SLC38A2: variants seen among roughly 807,000 people sequenced by gnomAD.
SLC38A2 encodes solute carrier family 38 member 2.
A neutral mutation model predicts 61.5 loss-of-function variants in SLC38A2; 11 were observed. The observed-to-expected ratio is 0.18, with a 90% CI of 0.11 to 0.30. SLC38A2 has a LOEUF of 0.30. Ranked by LOEUF, SLC38A2 falls within the 10% of genes least tolerant of loss-of-function variation. SLC38A2 has a pLI of 1.00. For missense variants in SLC38A2, 522 were observed against 600.4 expected, an observed-to-expected ratio of 0.87 and a Z score of 1.36; for synonymous variants, 217 against 212.5, an observed-to-expected ratio of 1.02 and a Z score of -0.18.
In SLC38A2 at chr12:46,370,544, A is replaced by G. The variant is rs759483020; in HGVS notation, c.282T>C (p.Tyr94=). Residue 94 remains tyrosine, a synonymous_variant, in exon 4 of 16, where the codon TAT becomes TAC. Coordinates refer to ENST00000256689, the MANE Select transcript of SLC38A2 (RefSeq NM_018976.5). Reference sequence around the variant, plus strand: ...GAGCAATTCCAGTATTAGCCATGGCATAAGAAAGCCCAAGGATTCCACTGC... The same window carrying G: ...GAGCAATTCCAGTATTAGCCATGGCGTAAGAAAGCCCAAGGATTCCACTGC... ...IVGSGILGLS[Y]AMANTGIALF... The G allele has an allele frequency of 2.5e-6, 4 of 1,614,052 alleles. No individual in the cohort carries two copies. The African/African-American group carries it at 5.3e-5, about 22-fold the overall frequency.
intron 4 of SLC38A2, among the ~76,000 whole-genome samples, chr12:46,369,228 G>T (rs1276611419): frequency 6.6e-6 from 1 of 152,072 alleles, no homozygotes; most frequent in African/African-American, 2.4e-5. Context: ...TCAAATATTC[G>T]ACAGTGATGC....
chr12:46,372,108 T>C (rs1422355894), intron 1 of SLC38A2, among the ~76,000 whole-genome samples: 1 of 152,234 alleles, frequency 6.6e-6, no homozygotes, highest in Non-Finnish European at 1.5e-5. Flanking sequence ...TCCCCAATCT[T>C]GGCCTCTCCT....
In SLC38A2 at chr12:46,367,298, A is replaced by G. The variant is rs1943149237; in HGVS notation, c.357T>C (p.Val119=). The G allele has an allele frequency of 1.2e-6, 2 of 1,602,978 alleles. No individual in the cohort carries two copies. Among genetic ancestry groups the G allele is most frequent in the East Asian group, 4.5e-5 (2 of 44,798 alleles). The part of the protein sequence containing the change: ...TFVSIFSLYS[V]HLLLKTANEG... ...CATTGGCAGTCTTCAAAAGGAGATG[A>G]ACAGAATACAGGGAAAATATTGACA... The change falls in exon 5 of 16, where the codon GTT becomes GTC. Residue 119 remains valine, a synonymous_variant. Coordinates refer to ENST00000256689, the MANE Select transcript of SLC38A2 (RefSeq NM_018976.5).
In SLC38A2 at chr12:46,363,979, T is replaced by C. The variant is rs768379093; in HGVS notation, c.898A>G (p.Ile300Val). The C allele has an allele frequency of 1.9e-6, 3 of 1,611,964 alleles. No homozygotes were observed. The highest frequency in any genetic ancestry group is 2.5e-6 in the Non-Finnish European group (3 of 1,178,882). ...SQTVYAVPIL[I>V]FSFVCHPAVL... is the part of the protein sequence containing the mutation. The stretch of plus-strand genomic sequence containing the variant: ...GCAGGATGACAGACAAATGAAAAGA[T>C]CAGAATTGGCACAGCATAGACAGTC... The change falls in exon 11 of 16, where the codon ATC becomes GTC. Residue 300 changes from isoleucine to valine, a missense_variant. This residue lies in a region of SLC38A2 where 309 missense variants were observed against 343.9 expected (regional missense o/e 0.90). Transcript: ENST00000256689.
rs182043381 is a variant in SLC38A2, at chr12:46,367,412, G to A, written c.315-72C>T. ...TATTTAAAGACAACTCTTTCTGGATGTTTAAATAACATTATGTGTGCAACT... is the reference window on the plus strand; with the variant it reads ...TATTTAAAGACAACTCTTTCTGGATATTTAAATAACATTATGTGTGCAACT... On this transcript the variant is annotated intron_variant, in intron 4 of 15. Transcript: ENST00000256689. 219 of 856,366 alleles carry A rather than the reference G, an allele frequency of 2.6e-4. No individual in the cohort carries two copies. In the African/African-American group the frequency reaches 3.1e-3, roughly 12 times the overall value. 53.0% of individuals were successfully genotyped at this position (856,366 alleles called of 1,614,324 possible).
chr12:46,372,176 ATTTTT>A (rs892964162), intron 1 of SLC38A2: 1 of 149,118 alleles, frequency 6.7e-6, no homozygotes, highest in African/African-American at 2.5e-5. Context: ...CCTGGACTTA[ATTTTT>A]TTTTTTTATT....
rs766547556 is a variant in SLC38A2, at chr12:46,364,647, A to C, written c.702T>G (p.Ile234Met). The C allele has an allele frequency of 8.1e-6, 13 of 1,608,404 alleles. No individual in the cohort carries two copies. Among genetic ancestry groups the C allele is most frequent in the Non-Finnish European group, 1.0e-5 (12 of 1,178,016 alleles). Residue 234 changes from isoleucine to methionine, a missense_variant, in exon 9 of 16, where the codon ATT (isoleucine) becomes ATG (methionine). Ile to Met is a conservative substitution (Grantham distance 10). Around this residue, in one of 3 missense-constraint regions of SLC38A2, gnomAD observed 309 missense variants for 343.9 expected, o/e 0.90. Coordinates refer to ENST00000256689, the MANE Select transcript of SLC38A2 (RefSeq NM_018976.5). ...LSLLCMVFFL[I>M]VVICKKFQVP... The stretch of plus-strand genomic sequence containing the variant: ...CTAAAAAAAAAATCATACCCACCAC[A>C]ATCAGAAAGAACACCATACACAACA...
rs1204789941 is a variant in SLC38A2 at position 46,362,387 on chromosome 12, AAAC to A, written c.1325-9_1325-7del. ...CATAGAAGCTGCAGATGCACCTGTA[AAAC>A]AACATTTATGTTTCTTGAGGATTCA... is the stretch of plus-strand genomic sequence containing the variant. On this transcript the variant is annotated splice_region_variant and splice_polypyrimidine_tract_variant and intron_variant, in intron 14 of 15. Transcript: ENST00000256689. 10 of 1,607,232 alleles carry A rather than the reference AAAC, an allele frequency of 6.2e-6. No individual in the cohort carries two copies. Among genetic ancestry groups the A allele is most frequent in the African/African-American group, 4.0e-5 (3 of 74,542 alleles).
chr12:46,371,466 T>C (rs541152654), intron 1 of SLC38A2, 87 bp from the exon 2 acceptor site: 27 of 598,268 alleles, frequency 4.5e-5, no homozygotes, highest in Middle Eastern at 4.5e-4. Flanking sequence ...CGCGGCTGAT[T>C]CATCCCAGGC....
intron 12 of SLC38A2, 78 bp from the exon 13 acceptor site, chr12:46,363,223 C>T: frequency 6.7e-7 from 1 of 1,492,918 alleles, no homozygotes; most frequent in Non-Finnish European, 9.2e-7. Context: ...GCAAAATGTG[C>T]ACCAGTTATT....
At chr12:46,370,731 T>G (rs1015293740) in intron 3 of SLC38A2, 45 bp downstream of exon 3, 2 of 1,550,392 alleles carry the variant, frequency 1.3e-6, no homozygotes. Flanking sequence ...ACTATTCTTT[T>G]ACTCCATAAA....
intron 12 of SLC38A2, 129 bp downstream of exon 12, chr12:46,363,597 A>T (rs941125167): frequency 1.9e-6 from 1 of 540,270 alleles, no homozygotes. Flanking sequence ...TTCTCATCAC[A>T]AATATGAAAT....
At position 46,362,350 on chromosome 12, in the gene SLC38A2, A is replaced by C. The variant is rs769077342; in HGVS notation, c.1356T>G (p.Ile452Met). ...ACTTGATATAGAAGGCAGAAGGAAG[A>C]ATAAAAATCAACATAGAAGCTGCAG... ...GASAASMLIF[I>M]LPSAFYIKLV... The change falls in exon 15 of 16, where the codon ATT (isoleucine) becomes ATG (methionine). Residue 452 changes from isoleucine to methionine, a missense_variant. Around this residue, in one of 3 missense-constraint regions of SLC38A2, gnomAD observed 309 missense variants for 343.9 expected, o/e 0.90. Coordinates refer to ENST00000256689, the MANE Select transcript of SLC38A2 (RefSeq NM_018976.5). 2.5e-6 allele frequency: 4 copies of C among 1,612,214 alleles called. No homozygotes were observed. In the South Asian group the frequency reaches 4.4e-5, roughly 18 times the overall value.
In SLC38A2 at chr12:46,359,612, T is replaced by C. The variant is rs1439690143; in HGVS notation, c.*1499A>G. On this transcript the variant is annotated 3_prime_UTR_variant, in exon 16 of 16. Transcript: ENST00000256689. ...ATTATGTATATTAGATTTTAGACAT[T>C]ATGCCTGATGAGCGAAGTACCACAT... 2.0e-5 allele frequency: 3 copies of C among 152,596 alleles called. No individual in the cohort carries two copies. Among genetic ancestry groups the C allele is most frequent in the African/African-American group, 7.2e-5 (3 of 41,466 alleles). 9.5% of individuals were successfully genotyped at this position (152,596 alleles called of 1,614,324 possible).
chr12:46,364,583 T>C (rs1943119276), intron 9 of SLC38A2, 27 bp from the exon 10 acceptor site: 1 of 1,600,618 alleles, frequency 6.2e-7, no homozygotes. Flanking sequence ...TTGCATGTGT[T>C]AAACTAAGTG....
In SLC38A2 at chr12:46,360,268, A is replaced by G. The variant is rs528537459; in HGVS notation, c.*843T>C. 6.5e-6 allele frequency: 1 copy of G among 152,772 alleles called. No homozygotes were observed. Among genetic ancestry groups the G allele is most frequent in the East Asian group, 1.9e-4 (1 of 5,190 alleles). 9.5% of individuals were successfully genotyped at this position (152,772 alleles called of 1,614,324 possible). ...TATTTCCCACAGAAATATCTGCATT[A>G]TCTTCCATTCTAATAAGTTGAAGAC... is the stretch of plus-strand genomic sequence containing the variant. On this transcript the variant is annotated 3_prime_UTR_variant, in exon 16 of 16. Transcript: ENST00000256689.
At chr12:46,372,012 T>C (rs1943208681) in intron 1 of SLC38A2, among the ~76,000 whole-genome samples, 1 of 151,978 alleles carries the variant, frequency 6.6e-6, no homozygotes, top group Non-Finnish European at 1.5e-5. Flanking sequence ...GGCCCGCGAG[T>C]GCTACGCCCG....
Position 46,363,993 on chromosome 12 carries a change from G to C in SLC38A2, c.884C>G (p.Ala295Gly), listed in dbSNP as rs1381933551. The change falls in exon 11 of 16, where the codon GCT becomes GGT. Residue 295 changes from alanine (A) to glycine (G), a missense_variant. Ala to Gly is a moderately conservative substitution (Grantham distance 60, BLOSUM62 0). Transcript: ENST00000256689. ...YFIFNSQTVY[A>G]VPILIFSFVC... ...AAATGAAAAGATCAGAATTGGCACA[G>C]CATAGACAGTCTGAAAGAAAACGTA... 4.4e-6 allele frequency: 7 copies of C among 1,607,724 alleles called. No homozygotes were observed. Among genetic ancestry groups the C allele is most frequent in the Non-Finnish European group, 5.9e-6 (7 of 1,177,612 alleles).
Position 46,363,005 on chromosome 12 carries a change from G to C in SLC38A2, c.1179+16C>G. On this transcript the variant is annotated intron_variant, in intron 13 of 15. Transcript: ENST00000256689. ...AAAACTCCTTCCTACTGAAAGCAGA[G>C]CAAGTGATTACTTACTGGGAAAATA... 1 of 1,611,754 alleles carries C rather than the reference G, an allele frequency of 6.2e-7. No homozygotes were observed. The highest frequency in any genetic ancestry group is 8.5e-7 in the Non-Finnish European group (1 of 1,178,748).
Sources: allele counts gnomAD v4.1 joint callset (sites outside exome capture counted in the v4.1 genomes callset), GRCh38; gene constraint gnomAD v4.1.1; regional missense constraint gnomAD v4.1.1; transcripts MANE v1.5; gene names NCBI Gene and HGNC (gene_info 2026-07-23, HGNC 2026-07-21).